Variants in MAP3K4 observed in about 807,000 individuals in gnomAD.
The protein encoded by MAP3K4 is MAP three kinase 1.
In MAP3K4, 67 loss-of-function variants were observed where a neutral mutation model predicts 185.6. The observed-to-expected ratio is 0.36, with a 90% CI of 0.30 to 0.44. MAP3K4 has a LOEUF of 0.44. Among genes scored for constraint, MAP3K4 ranks in the 20% least tolerant of loss-of-function variants. MAP3K4 has a pLI of 1.00. For missense variants in MAP3K4, 1,551 were observed against 1,995.1 expected, an observed-to-expected ratio of 0.78 and a Z score of 4.24; for synonymous variants, 702 against 710.4, an observed-to-expected ratio of 0.99 and a Z score of 0.19.
rs189920757 is a variant in MAP3K4, at chr6:161,008,180, T to C, written c.152+16097T>C. ...AGTAGGAACCTTTGTTGGGTAGCAA[T>C]TGCATACTCATTTTCACTGGGTGTT... On this transcript the variant is annotated intron_variant, in intron 1 of 26. Transcript: ENST00000392142. The surrounding 1 kb of genome is among the most constrained non-coding windows in gnomAD (Gnocchi z 4.1). Among the ~76,000 whole-genome samples, 27 of 152,292 alleles carry C rather than the reference T, an allele frequency of 1.8e-4. No individual in the cohort carries two copies. Among genetic ancestry groups the C allele is most frequent in the African/African-American group, 5.8e-4 (24 of 41,572 alleles).
intron 3 of MAP3K4, among the ~76,000 whole-genome samples, chr6:161,060,681 G>A (rs889791199): frequency 1.3e-5 from 2 of 148,914 alleles, no homozygotes; most frequent in South Asian, 2.1e-4. Context: ...GTGCAGTGGC[G>A]TGATCTTGGC....
At position 161,051,111 on chromosome 6, in the gene MAP3K4, G is replaced by A. The variant is rs543428302; in HGVS notation, c.1707+1132G>A. Among the ~76,000 whole-genome samples, 16 of 152,302 alleles carry A rather than the reference G, an allele frequency of 1.1e-4. No individual in the cohort carries two copies. The highest frequency in any genetic ancestry group is 3.9e-4 in the African/African-American group (16 of 41,554). On this transcript the variant is annotated intron_variant, in intron 3 of 26. Coordinates refer to ENST00000392142, the MANE Select transcript of MAP3K4 (RefSeq NM_005922.4). The surrounding 1 kb of genome is among the most constrained non-coding windows in gnomAD (Gnocchi z 4.2). ...TTTGGGGAATAATGGCAAGAAAAAA[G>A]TTTGTACATGTTTAATACAGATGTA...
rs142610276 is a variant in MAP3K4, at chr6:161,061,091, G to A, written c.1708-9517G>A. 3.3e-3 allele frequency among the ~76,000 whole-genome samples: 506 copies of A among 152,308 alleles called. 3 individuals carry two copies. The highest frequency in any genetic ancestry group is 0.012 in the African/African-American group (482 of 41,560). On this transcript the variant is annotated intron_variant, in intron 3 of 26. Transcript: ENST00000392142. The surrounding 1 kb of genome is among the most constrained non-coding windows in gnomAD (Gnocchi z 4.2). ...AACACATACACAAAATGCATCACATGTCCTTTCTGATAGTTCTGATTCAAA... is the reference window on the plus strand; with the variant it reads ...AACACATACACAAAATGCATCACATATCCTTTCTGATAGTTCTGATTCAAA...
intron 3 of MAP3K4, among the ~76,000 whole-genome samples, chr6:161,059,797 A>G (rs189362765): frequency 2.7e-4 from 41 of 150,810 alleles, no homozygotes; most frequent in African/African-American, 8.5e-4. Context: ...GTTTGCAAAT[A>G]ATGTCCATGT....
intron 3 of MAP3K4, among the ~76,000 whole-genome samples, chr6:161,068,291 C>G (rs1008179020): frequency 6.6e-6 from 1 of 152,126 alleles, no homozygotes; most frequent in African/African-American, 2.4e-5. Context: ...TTATTTGAGG[C>G]AATCACAGAA....
In MAP3K4 at chr6:161,017,949, A is replaced by G. The variant is rs961226150; in HGVS notation, c.153-16310A>G. 1.3e-5 allele frequency among the ~76,000 whole-genome samples: 2 copies of G among 152,236 alleles called. No homozygotes were observed. Among genetic ancestry groups the G allele is most frequent in the Non-Finnish European group, 2.9e-5 (2 of 68,046 alleles). Reference sequence around the variant, plus strand: ...AATATGCTGGGTTTTAGTGATTACAATAAACTCTTCTTACGCTATTTGGAA... The same window carrying G: ...AATATGCTGGGTTTTAGTGATTACAGTAAACTCTTCTTACGCTATTTGGAA... On this transcript the variant is annotated intron_variant, in intron 1 of 26. Coordinates refer to ENST00000392142, the MANE Select transcript of MAP3K4 (RefSeq NM_005922.4). This position sits in a 1 kb window ranked among gnomAD's most constrained non-coding sequence, Gnocchi z 5.1.
chr6:161,042,994 CTA>C (rs1307278039), intron 2 of MAP3K4, among the ~76,000 whole-genome samples: 15 of 151,770 alleles, frequency 9.9e-5, no homozygotes, highest in East Asian at 7.7e-4. Context: ...ATGCGTGTGC[CTA>C]TATATATGTG....
At position 161,091,285 on chromosome 6, in the gene MAP3K4, G is replaced by A. The variant is rs950393026; in HGVS notation, c.2974-94G>A. On this transcript the variant is annotated intron_variant, in intron 11 of 26. Transcript: ENST00000392142. This position sits in a 1 kb window ranked among gnomAD's most constrained non-coding sequence, Gnocchi z 5.5. ...GGCTGAATTGTTTGTAGTGGTTAAT[G>A]TCTGTGTGATGATGAACGAAATCTT... is the stretch of plus-strand genomic sequence containing the variant. 4 of 1,001,144 alleles carry A rather than the reference G, an allele frequency of 4.0e-6. No homozygotes were observed. The highest frequency in any genetic ancestry group is 3.3e-5 in the African/African-American group (2 of 61,158). 62.0% of individuals were successfully genotyped at this position (1,001,144 alleles called of 1,614,324 possible).
At chr6:161,041,647 A>G (rs889414459) in intron 2 of MAP3K4, among the ~76,000 whole-genome samples, 16 of 152,216 alleles carry the variant, frequency 1.1e-4, no homozygotes, top group African/African-American at 3.9e-4. Flanking sequence ...TGCCTCGGAC[A>G]TGGCCCCCAG....
chr6:161,089,445 A>G lies in MAP3K4; in HGVS notation c.2947A>G (p.Ile983Val), dbSNP rs779585569. 16 of 1,614,146 alleles carry G rather than the reference A, an allele frequency of 9.9e-6. No individual in the cohort carries two copies. Among genetic ancestry groups the G allele is most frequent in the Non-Finnish European group, 5.9e-6 (7 of 1,180,056 alleles). Residue 983 changes from isoleucine to valine, a missense_variant, in exon 11 of 27, where the codon ATC (isoleucine) becomes GTC (valine). Ile to Val is a conservative substitution (Grantham distance 29). Transcript: ENST00000392142. ...GGAGCAGACATCCAGTCAGCCGGTC[A>G]TCGCCAAAGCTTTGCAGCAGCTGAA... ...CQEQTSSQPVIAKALQQLKND... is the reference protein window; with the variant it reads ...CQEQTSSQPVVAKALQQLKND...
intron 1 of MAP3K4, among the ~76,000 whole-genome samples, chr6:161,028,240 T>C (rs547297223): frequency 6.6e-6 from 1 of 152,244 alleles, no homozygotes; most frequent in East Asian, 1.9e-4. Context: ...TTTTTGTATG[T>C]ATGTTTAATT....
At position 161,116,768 on chromosome 6, in the gene MAP3K4, T is replaced by TC. The variant is rs1411122563; in HGVS notation, c.4807-78dup. ...GCATCAGGATGAGTGGATGGGGCCTTCCCCGTAAGACTCATACTGCGCGTA... is the reference window on the plus strand; with the variant it reads ...GCATCAGGATGAGTGGATGGGGCCTTCCCCCGTAAGACTCATACTGCGCGTA... On this transcript the variant is annotated intron_variant, in intron 26 of 26. Coordinates refer to ENST00000392142, the MANE Select transcript of MAP3K4 (RefSeq NM_005922.4). The surrounding 1 kb of genome is among the most constrained non-coding windows in gnomAD (Gnocchi z 6.2). 21 of 1,247,502 alleles carry TC rather than the reference T, an allele frequency of 1.7e-5. No homozygotes were observed. Among genetic ancestry groups the TC allele is most frequent in the African/African-American group, 8.9e-5 (6 of 67,646 alleles). The allele number at this position is 1,247,502 out of a possible 1,614,324, so 77.3% of individuals were successfully genotyped here. A position where few individuals can be genotyped will look rare whatever the true frequency, so the allele number is the denominator to read the frequency against.
rs1408529049 is a variant in MAP3K4, at chr6:161,051,040, C to G, written c.1707+1061C>G. On this transcript the variant is annotated intron_variant, in intron 3 of 26. Coordinates refer to ENST00000392142, the MANE Select transcript of MAP3K4 (RefSeq NM_005922.4). The surrounding 1 kb of genome is among the most constrained non-coding windows in gnomAD (Gnocchi z 4.2). The stretch of plus-strand genomic sequence containing the variant: ...TTAATCTCGAGATTATGTGTAATGC[C>G]TTATGTAATATAAATGCTGTGTAAA... Among the ~76,000 whole-genome samples, 22 of 152,222 alleles carry G rather than the reference C, an allele frequency of 1.4e-4. No homozygotes were observed. The highest frequency in any genetic ancestry group is 5.9e-5 in the Non-Finnish European group (4 of 68,020).
chr6:161,000,576 A>G (rs1407148759), intron 1 of MAP3K4, among the ~76,000 whole-genome samples: 12 of 152,208 alleles, frequency 7.9e-5, no homozygotes, highest in Non-Finnish European at 1.5e-4. Context: ...GATTGGCATT[A>G]TGTGAATAAT....
chr6:161,035,632 C>T (rs913814187), intron 2 of MAP3K4, among the ~76,000 whole-genome samples: 4 of 152,128 alleles, frequency 2.6e-5, no homozygotes, highest in African/African-American at 9.7e-5. Context: ...TGTACTTACC[C>T]CTTTGGAAAT....
At position 161,101,663 on chromosome 6, in the gene MAP3K4, T is replaced by A; in HGVS notation, c.3675-229T>A. ...CAGAGGACGGTCTCCACAGCAGCGCTGTTCACTTAGGGGGCTGATTCTGGT... is the reference window on the plus strand; with the variant it reads ...CAGAGGACGGTCTCCACAGCAGCGCAGTTCACTTAGGGGGCTGATTCTGGT... On this transcript the variant is annotated intron_variant, in intron 17 of 26. Transcript: ENST00000392142. The surrounding 1 kb of genome is among the most constrained non-coding windows in gnomAD (Gnocchi z 5.1). 1 of 461,344 alleles carries A rather than the reference T, an allele frequency of 2.2e-6. No individual in the cohort carries two copies. The highest frequency in any genetic ancestry group is 3.9e-6 in the Non-Finnish European group (1 of 255,024). The allele number at this position is 461,344 out of a possible 1,614,324, so 28.6% of individuals were successfully genotyped here. A position where few individuals can be genotyped will look rare whatever the true frequency, so the allele number is the denominator to read the frequency against.
rs370048611 is a variant in MAP3K4, at chr6:161,070,567, G to T, written c.1708-41G>T. ...AACCACAACCGTAGAACGTTGTCTC[G>T]TATGCTCTTTTAATCTGTGCCTGTT... is the stretch of plus-strand genomic sequence containing the variant. On this transcript the variant is annotated intron_variant, in intron 3 of 26. Coordinates refer to ENST00000392142, the MANE Select transcript of MAP3K4 (RefSeq NM_005922.4). The surrounding 1 kb of genome is among the most constrained non-coding windows in gnomAD (Gnocchi z 4.5). The T allele has an allele frequency of 5.0e-6, 8 of 1,590,560 alleles. No homozygotes were observed. Among genetic ancestry groups the T allele is most frequent in the African/African-American group, 1.3e-5 (1 of 74,120 alleles).
chr6:161,115,211 C>T lies in MAP3K4; in HGVS notation c.4715C>T (p.Pro1572Leu). The T allele has an allele frequency of 6.2e-7, 1 of 1,614,128 alleles. No homozygotes were observed. The highest frequency in any genetic ancestry group is 8.5e-7 in the Non-Finnish European group (1 of 1,180,006). The change falls in exon 26 of 27, where the codon CCT (proline) becomes CTT (leucine). Residue 1572 changes from proline to leucine, a missense_variant. Coordinates refer to ENST00000392142, the MANE Select transcript of MAP3K4 (RefSeq NM_005922.4). This position sits in a 1 kb window ranked among gnomAD's most constrained non-coding sequence, Gnocchi z 6.0. Reference protein sequence around the residue: ...HKPPIPERLSPEGKDFLSHCL... With the variant: ...HKPPIPERLSLEGKDFLSHCL... ...CCACCAATCCCTGAAAGATTAAGCC[C>T]TGAAGGAAAGGACTTCCTTTCTCAC...
Position 161,053,268 on chromosome 6 carries a change from C to A in MAP3K4, c.1707+3289C>A, listed in dbSNP as rs1373941598. On this transcript the variant is annotated intron_variant, in intron 3 of 26. Transcript: ENST00000392142. This position sits in a 1 kb window ranked among gnomAD's most constrained non-coding sequence, Gnocchi z 4.2. ...ACCAGATCTCTTGACAGCTCACTCACCATCATGAGAACAGCACCAATGGGA... is the reference window on the plus strand; with the variant it reads ...ACCAGATCTCTTGACAGCTCACTCAACATCATGAGAACAGCACCAATGGGA... 1.2e-4 allele frequency among the ~76,000 whole-genome samples: 18 copies of A among 152,108 alleles called. No individual in the cohort carries two copies.
Sources: allele counts gnomAD v4.1 joint callset (sites outside exome capture counted in the v4.1 genomes callset), GRCh38; gene constraint gnomAD v4.1.1; non-coding constraint Gnocchi (gnomAD v3.1); transcripts MANE v1.5; gene names NCBI Gene and HGNC (gene_info 2026-07-23, HGNC 2026-07-21).